Variants in HHLA1 observed in about 807,000 individuals in gnomAD.
HHLA1 encodes the protein HHLA1 neighbor of OC90.
In HHLA1, 72 loss-of-function variants were observed where a neutral mutation model predicts 69.9. The observed-to-expected ratio is 1.03, with a 90% confidence interval of 0.85 to 1.25. The LOEUF (loss-of-function observed/expected upper bound fraction) is 1.25. HHLA1 is among the 50% of genes most tolerant of loss of function. HHLA1 has a pLI of 0.00. For synonymous variants in HHLA1, 252 were observed against 233.2 expected, an observed-to-expected ratio of 1.08 and a Z score of -0.73; for missense variants, 685 against 642.2, an observed-to-expected ratio of 1.07 and a Z score of -0.72.
In HHLA1 at chr8:132,089,631, T is replaced by C. The variant is rs1476766403; in HGVS notation, c.449-32A>G. Reference sequence around the variant, plus strand: ...GACAAATTTAGGAGGTTTAAATTTCTGCTTCAGAGACAAAAGGAGAAAAGT... The same window carrying C: ...GACAAATTTAGGAGGTTTAAATTTCCGCTTCAGAGACAAAAGGAGAAAAGT... On this transcript the variant is annotated intron_variant, in intron 7 of 16. Coordinates refer to ENST00000414222, the MANE Select transcript of HHLA1 (RefSeq NM_001145095.3). The C allele has an allele frequency of 3.8e-6, 4 of 1,047,724 alleles. No individual in the cohort carries two copies. The South Asian group carries it at 5.4e-5, about 14-fold the overall frequency. The allele number at this position is 1,047,724 out of a possible 1,614,324, so 64.9% of individuals were successfully genotyped here.
intron 7 of HHLA1, among the ~76,000 whole-genome samples, chr8:132,090,711 G>T: frequency 6.6e-6 from 1 of 150,742 alleles, no homozygotes. Flanking sequence ...ATAGACACCT[G>T]TATATGCAGA....
At chr8:132,077,302 G>C (rs1357233819) in intron 12 of HHLA1, among the ~76,000 whole-genome samples, 1 of 152,310 alleles carries the variant, frequency 6.6e-6, no homozygotes, top group South Asian at 2.1e-4. Context: ...ATAAAGATCA[G>C]GAGATGTGGG....
rs1414393749 is a variant in HHLA1, at chr8:132,076,546, G to T, written c.1172-3C>A. 8 of 1,518,264 alleles carry T rather than the reference G, an allele frequency of 5.3e-6. No homozygotes were observed. The highest frequency in any genetic ancestry group is 2.5e-5 in the East Asian group (1 of 40,014). 94.0% of individuals were successfully genotyped at this position (1,518,264 alleles called of 1,614,324 possible). On this transcript the variant is annotated splice_polypyrimidine_tract_variant and splice_region_variant and intron_variant, in intron 12 of 16. Transcript: ENST00000414222. ...CTGTGTGCCATGGGTGAATGCTCCT[G>T]GGAGGAGATGAGAGAGAGGTGAGCC...
At chr8:132,101,319 G>A in intron 3 of HHLA1, 1 of 1,542,850 alleles carries the variant, frequency 6.5e-7, no homozygotes, top group East Asian at 2.5e-5. Context: ...TGAAAGTACA[G>A]CCTCAAACAG....
intron 5 of HHLA1, among the ~76,000 whole-genome samples, chr8:132,098,492 C>T (rs1197437666): frequency 6.6e-6 from 1 of 152,036 alleles, no homozygotes; most frequent in Non-Finnish European, 1.5e-5. Flanking sequence ...GGCAAAGTCT[C>T]ACTCTTTCTC....
chr8:132,105,432 A>G (rs537606082), intron 1 of HHLA1, 146 bp from the exon 2 acceptor site: 23 of 632,944 alleles, frequency 3.6e-5, no homozygotes, highest in African/African-American at 3.1e-4. Flanking sequence ...AAGGTAACAA[A>G]TTAACTCCAC....
chr8:132,087,517 A>T (rs901153100), intron 10 of HHLA1, 136 bp downstream of exon 10: 15 of 611,312 alleles, frequency 2.5e-5, no homozygotes, highest in African/African-American at 9.3e-5. Flanking sequence ...TCATTTTTTT[A>T]AAATGACGAA....
rs1332639075 is a variant in HHLA1 at position 132,077,863 on chromosome 8, C to T, written c.1034G>A (p.Gly345Glu). Residue 345 changes from glycine to glutamate, a missense_variant, in exon 12 of 17, where the codon GGG becomes GAG. By Grantham distance (98) the Gly-to-Glu change is moderately conservative. Coordinates refer to ENST00000414222, the MANE Select transcript of HHLA1 (RefSeq NM_001145095.3). ...GGAAGAACGAGTTTCCCAGAGAGAC[C>T]CTCCAGGTTTTTTCTCACTGATGGT... is the stretch of plus-strand genomic sequence containing the variant. Reference protein sequence around the residue: ...AQTISEKKPGGSLWETRSSPP... With the variant: ...AQTISEKKPGESLWETRSSPP... 3 of 1,551,326 alleles carry T rather than the reference C, an allele frequency of 1.9e-6. No homozygotes were observed. The highest frequency in any genetic ancestry group is 1.7e-6 in the Non-Finnish European group (2 of 1,146,944).
At chr8:132,103,883 T>G (rs1270482331) in intron 3 of HHLA1, among the ~76,000 whole-genome samples, 1 of 152,216 alleles carries the variant, frequency 6.6e-6, no homozygotes, top group Non-Finnish European at 1.5e-5. Context: ...TTATAAAATC[T>G]TCTATCACCA....
At chr8:132,082,493 T>G (rs4310188) in intron 10 of HHLA1, among the ~76,000 whole-genome samples, 2 of 151,920 alleles carry the variant, frequency 1.3e-5, no homozygotes, top group African/African-American at 2.4e-5. Context: ...CAGTCGGACA[T>G]GATTGGCAGG....
intron 14 of HHLA1, among the ~76,000 whole-genome samples, chr8:132,071,715 A>G (rs541571884): frequency 2.0e-5 from 3 of 152,310 alleles, no homozygotes; most frequent in African/African-American, 7.2e-5. Context: ...GGAGGAAAAC[A>G]GAGATAGTTT....
chr8:132,078,668 G>T (rs1462610821), intron 11 of HHLA1, among the ~76,000 whole-genome samples: 1 of 152,108 alleles, frequency 6.6e-6, no homozygotes, highest in African/African-American at 2.4e-5. Context: ...TTCTTTGTAG[G>T]CTGGATCATA....
chr8:132,103,114 G>A (rs1023324698), intron 3 of HHLA1, among the ~76,000 whole-genome samples: 5 of 152,108 alleles, frequency 3.3e-5, no homozygotes, highest in Non-Finnish European at 7.4e-5. Flanking sequence ...TGTGGGGCAG[G>A]AATTGTTGTT....
intron 10 of HHLA1, 138 bp from the exon 11 acceptor site, chr8:132,080,104 T>C (rs1823722304): frequency 8.2e-7 from 1 of 1,218,720 alleles, no homozygotes; most frequent in Non-Finnish European, 1.2e-6. Flanking sequence ...GCATTTGCTA[T>C]GTTTCCTGAA....
At chr8:132,071,915 A>G (rs987407593) in intron 14 of HHLA1, among the ~76,000 whole-genome samples, 3 of 152,020 alleles carry the variant, frequency 2.0e-5, no homozygotes, top group African/African-American at 7.3e-5. Flanking sequence ...GTGTGTGTGC[A>G]GGGTACATGT....
intron 14 of HHLA1, among the ~76,000 whole-genome samples, chr8:132,073,750 G>A (rs1823588413): frequency 6.6e-6 from 1 of 152,016 alleles, no homozygotes; most frequent in South Asian, 2.1e-4. Context: ...ATGACACTTG[G>A]GATATTCACT....
intron 3 of HHLA1, among the ~76,000 whole-genome samples, chr8:132,103,861 C>T (rs553671097): frequency 6.6e-6 from 1 of 152,164 alleles, no homozygotes; most frequent in Non-Finnish European, 1.5e-5. Flanking sequence ...TGGCAAGTAA[C>T]GGTACCCCCC....
chr8:132,108,785 G>A (rs1002059716), intron 1 of HHLA1, among the ~76,000 whole-genome samples: 4 of 151,944 alleles, frequency 2.6e-5, no homozygotes, highest in African/African-American at 9.7e-5. Flanking sequence ...TTATGGCCAA[G>A]AAGAAGACGG....
chr8:132,090,759 T>C (rs866745568), intron 7 of HHLA1, among the ~76,000 whole-genome samples: 1,451 of 131,058 alleles, frequency 0.011, 9 homozygotes, highest in African/African-American at 0.032. Context: ...CTCTCTCTTT[T>C]TTTTTTTTTT....
Sources: allele counts gnomAD v4.1 joint callset (sites outside exome capture counted in the v4.1 genomes callset), GRCh38; gene constraint gnomAD v4.1.1; transcripts MANE v1.5; gene names NCBI Gene and HGNC (gene_info 2026-07-23, HGNC 2026-07-21).